ALDH1A2: variants seen among roughly 807,000 people sequenced by gnomAD.
ALDH1A2 encodes the protein retinal dehydrogenase 2.
ALDH1A2 carries 27 observed loss-of-function variants against 60.3 expected under a neutral mutation model. That is an observed-to-expected ratio of 0.45 (90% CI 0.33 to 0.62). The LOEUF (loss-of-function observed/expected upper bound fraction) is 0.62. Among genes scored for constraint, ALDH1A2 ranks in the 20% least tolerant of loss-of-function variants. The pLI, the probability that ALDH1A2 is intolerant of heterozygous loss-of-function variation, is 0.02. For synonymous variants in ALDH1A2, 289 were observed against 232.4 expected (o/e 1.24, Z -2.21); for missense variants, 581 against 643.8 (o/e 0.90, Z 1.06).
chr15:58,002,892 G>A (rs562470723), intron 4 of ALDH1A2, among the ~76,000 whole-genome samples: 226 of 151,894 alleles, frequency 1.5e-3, no homozygotes, highest in African/African-American at 5.0e-3. Context: ...TTCCCATCAT[G>A]TTGACGTTGA....
intron 7 of ALDH1A2, among the ~76,000 whole-genome samples, chr15:57,984,022 A>C (rs1372505800): frequency 6.6e-6 from 1 of 152,214 alleles, no homozygotes; most frequent in Non-Finnish European, 1.5e-5. Flanking sequence ...GCACTGAGAA[A>C]TTATCCTTCC....
At chr15:58,024,777 C>T (rs1271044003) in intron 1 of ALDH1A2, among the ~76,000 whole-genome samples, 4 of 152,116 alleles carry the variant, frequency 2.6e-5, no homozygotes, top group Admixed American at 1.3e-4. Flanking sequence ...TTCTCCAGAA[C>T]AGACCATATG....
chr15:58,060,386 T>A (rs1478542764), intron 1 of ALDH1A2, among the ~76,000 whole-genome samples: 1 of 151,884 alleles, frequency 6.6e-6, no homozygotes, highest in South Asian at 2.1e-4. Flanking sequence ...CCCCATAAAG[T>A]AGATACTATT....
At chr15:57,984,154 ACT>A (rs1894616950) in intron 7 of ALDH1A2, among the ~76,000 whole-genome samples, 1 of 152,058 alleles carries the variant, frequency 6.6e-6, no homozygotes, top group African/African-American at 2.4e-5. Context: ...CCTGGGTGTG[ACT>A]CTCAGCCCTA....
Position 58,065,572 on chromosome 15 carries a change from G to GCAGGAGGTGCAGCGACGC in ALDH1A2, c.61_78dup (p.Ala21_Leu26dup). On this transcript the variant is annotated inframe_insertion, in exon 1 of 13. Transcript: ENST00000249750. ...ATTTCGAGATTGGGCGTGGGCGACG[G>GCAGGAGGTGCAGCGACGC]CAGGAGGTGCAGCGACGCCATGAGG... The GCAGGAGGTGCAGCGACGC allele has an allele frequency of 6.2e-7, 1 of 1,613,534 alleles. No individual in the cohort carries two copies. The highest frequency in any genetic ancestry group is 1.3e-5 in the African/African-American group (1 of 75,028).
chr15:58,034,046 G>T lies in ALDH1A2; in HGVS notation c.118-19765C>A, dbSNP rs1595680362. 1.3e-5 allele frequency among the ~76,000 whole-genome samples: 2 copies of T among 151,576 alleles called. 1 individual carries two copies. Among genetic ancestry groups the T allele is most frequent in the South Asian group, 4.2e-4 (2 of 4,814 alleles). The stretch of plus-strand genomic sequence containing the variant: ...AAAATAACTTACTAGGATTTTGATT[G>T]GGATTGCATTGAATCTACATATTAA... On this transcript the variant is annotated intron_variant, in intron 1 of 12. Transcript: ENST00000249750.
At chr15:57,978,359 T>C (rs1266732149) in intron 7 of ALDH1A2, among the ~76,000 whole-genome samples, 2 of 152,180 alleles carry the variant, frequency 1.3e-5, no homozygotes, top group Non-Finnish European at 2.9e-5. Context: ...TGAGATATGG[T>C]CCATCAATAC....
chr15:57,983,513 T>C (rs1861037074), intron 7 of ALDH1A2, among the ~76,000 whole-genome samples: 1 of 152,230 alleles, frequency 6.6e-6, no homozygotes, highest in South Asian at 2.1e-4. Flanking sequence ...AGATGGAGAA[T>C]TATCTTTTTC....
chr15:57,963,715 A>G (rs557565291), intron 9 of ALDH1A2, among the ~76,000 whole-genome samples, 170 bp downstream of exon 9: 20 of 152,330 alleles, frequency 1.3e-4, no homozygotes, highest in Admixed American at 5.9e-4. Context: ...GAGAAGCATA[A>G]GAAATAAGCA....
Position 57,962,086 on chromosome 15 carries a change from C to T in ALDH1A2, c.1177G>A (p.Gly393Ser). 6.2e-7 allele frequency: 1 copy of T among 1,614,150 alleles called. No homozygotes were observed. The highest frequency in any genetic ancestry group is 8.5e-7 in the Non-Finnish European group (1 of 1,180,010). Residue 393 changes from glycine to serine, a missense_variant, in exon 10 of 13, where the codon GGC becomes AGC. Transcript: ENST00000249750. ...AKLECGGKGL[G>S]RKGFFIEPTV... is the part of the protein sequence containing the mutation. ...GGCTCAATGAAAAACCCCTTTCGGC[C>T]CAGTCCTTTGCCTCCACATTCCAGC...
intron 7 of ALDH1A2, among the ~76,000 whole-genome samples, chr15:57,981,016 A>ATG (rs1257618000): frequency 6.6e-6 from 1 of 152,086 alleles, no homozygotes; most frequent in African/African-American, 2.4e-5. Flanking sequence ...TTAGTCTTAC[A>ATG]GTATTCTCTG....
At chr15:58,044,106 C>A (rs1264518267) in intron 1 of ALDH1A2, among the ~76,000 whole-genome samples, 1 of 152,004 alleles carries the variant, frequency 6.6e-6, no homozygotes, top group Non-Finnish European at 1.5e-5. Flanking sequence ...GACTTGATGG[C>A]TGACCAGATC....
At chr15:58,005,659 G>A (rs1566945869) in intron 4 of ALDH1A2, among the ~76,000 whole-genome samples, 1 of 152,012 alleles carries the variant, frequency 6.6e-6, no homozygotes, top group African/African-American at 2.4e-5. Flanking sequence ...GAACCATGGA[G>A]TATAATTCAA....
intron 4 of ALDH1A2, among the ~76,000 whole-genome samples, chr15:57,999,830 T>G (rs1263591569): frequency 6.6e-6 from 1 of 151,962 alleles, no homozygotes; most frequent in Non-Finnish European, 1.5e-5. Context: ...CCATCAATGA[T>G]AGACTGGATA....
intron 7 of ALDH1A2, among the ~76,000 whole-genome samples, chr15:57,986,142 T>C (rs747777144): frequency 5.3e-5 from 8 of 152,232 alleles, no homozygotes; most frequent in Non-Finnish European, 1.2e-4. Context: ...TGTTTTACCA[T>C]TATAAACAAC....
chr15:57,960,906 C>T (rs1893696244), intron 11 of ALDH1A2, 62 bp from the exon 12 acceptor site: 11 of 1,487,248 alleles, frequency 7.4e-6, no homozygotes, highest in African/African-American at 4.2e-5. Context: ...ATCTGACTGG[C>T]ATGGTATTTC....
At chr15:58,063,951 G>A (rs893740427) in intron 1 of ALDH1A2, among the ~76,000 whole-genome samples, 2 of 147,390 alleles carry the variant, frequency 1.4e-5, no homozygotes, top group African/African-American at 5.0e-5. Flanking sequence ...TAGTTAGGGA[G>A]TAAGAGAACT....
chr15:57,977,359 G>T (rs1894298781), intron 7 of ALDH1A2, among the ~76,000 whole-genome samples: 1 of 152,120 alleles, frequency 6.6e-6, no homozygotes, highest in Non-Finnish European at 1.5e-5. Context: ...TTTTGTCTAG[G>T]ATTTTTATGG....
rs1037543815 is a variant in ALDH1A2 at position 57,965,902 on chromosome 15, G to A, written c.799-75C>T. Reference sequence around the variant, plus strand: ...AGTCACCGGCCAATGCCAGCTCAGGGCATCAATGGGATGCAACAGTAACAA... The same window carrying A: ...AGTCACCGGCCAATGCCAGCTCAGGACATCAATGGGATGCAACAGTAACAA... On this transcript the variant is annotated intron_variant, in intron 7 of 12. Transcript: ENST00000249750. The A allele has an allele frequency of 2.8e-5, 31 of 1,112,198 alleles. No individual in the cohort carries two copies. In the Middle Eastern group the frequency reaches 5.8e-4, roughly 21 times the overall value. 68.9% of individuals were successfully genotyped at this position (1,112,198 alleles called of 1,614,324 possible).
Sources: gnomAD v4.1 joint callset for allele counts (sites outside exome capture counted in the v4.1 genomes callset) on GRCh38, gnomAD v4.1.1 for gene constraint, MANE v1.5 for transcripts, NCBI Gene and HGNC (gene_info 2026-07-23, HGNC 2026-07-21) for gene names.